DAB1: variants seen among roughly 807,000 people sequenced by gnomAD.
DAB1 encodes the protein disabled homolog 1.
A neutral mutation model predicts 64.6 loss-of-function variants in DAB1; 15 were observed. That is an observed-to-expected ratio of 0.23 (90% CI 0.16 to 0.36). DAB1 has a LOEUF of 0.36. Among genes scored for constraint, DAB1 ranks in the 10% least tolerant of loss-of-function variants. DAB1 has a pLI of 1.00. For synonymous variants in DAB1, 235 were observed against 251.9 expected, an observed-to-expected ratio of 0.93 and a Z score of 0.64; for missense variants, 596 against 706.7, an observed-to-expected ratio of 0.84 and a Z score of 1.78.
intron 7 of DAB1, among the ~76,000 whole-genome samples, chr1:57,579,858 C>T (rs1382793197): frequency 2.0e-5 from 3 of 152,120 alleles, no homozygotes; most frequent in African/African-American, 7.2e-5. Context: ...AAAAGAGAGA[C>T]ATCAGGAAAG....
At chr1:58,166,749 CGT>C (rs796624346) in intron 4 of DAB1, among the ~76,000 whole-genome samples, 1 of 137,300 alleles carries the variant, frequency 7.3e-6, no homozygotes, top group African/African-American at 2.8e-5. Flanking sequence ...TTTGTTTGTT[CGT>C]TTTTTTTTTT....
intron 7 of DAB1, among the ~76,000 whole-genome samples, chr1:57,452,785 T>C (rs1351836056): frequency 6.6e-6 from 1 of 152,098 alleles, no homozygotes; most frequent in Non-Finnish European, 1.5e-5. Context: ...TTATCTGCCT[T>C]GTTCTAAACA....
intron 7 of DAB1, among the ~76,000 whole-genome samples, chr1:57,616,140 C>T (rs759283934): frequency 1.3e-5 from 2 of 152,124 alleles, no homozygotes; most frequent in Non-Finnish European, 2.9e-5. Flanking sequence ...TTCCTGGACA[C>T]CCCGACATTT....
rs1379432086 is a variant in DAB1 at position 57,255,944 on chromosome 1, A to G, written c.67+35020T>C. Among the ~76,000 whole-genome samples the G allele has an allele frequency of 2.0e-5, 3 of 152,340 alleles. No individual in the cohort carries two copies. In the East Asian group the frequency reaches 5.8e-4, roughly 29 times the overall value. ...GTGCAATTTTGATATACTTGCCTTA[A>G]TGTGCCATTTATTAAATGTATATCT... is the stretch of plus-strand genomic sequence containing the variant. On this transcript the variant is annotated intron_variant, in intron 2 of 14. Transcript: ENST00000371236.
At chr1:57,971,235 C>A (rs1415300462) in intron 5 of DAB1, among the ~76,000 whole-genome samples, 1 of 152,164 alleles carries the variant, frequency 6.6e-6, no homozygotes, top group Non-Finnish European at 1.5e-5. Context: ...TTGACTTGGA[C>A]AAAATTTGTC....
At chr1:57,982,793 C>T in intron 5 of DAB1, among the ~76,000 whole-genome samples, 1 of 152,200 alleles carries the variant, frequency 6.6e-6, no homozygotes, top group East Asian at 1.9e-4. Flanking sequence ...GCCCCTCATC[C>T]TTTCATAGAG....
chr1:57,774,370 AC>A, intron 6 of DAB1, among the ~76,000 whole-genome samples: 1 of 151,972 alleles, frequency 6.6e-6, no homozygotes, highest in South Asian at 2.1e-4. Flanking sequence ...AAAATTTTCT[AC>A]ATCTGTGAAC....
At chr1:57,458,006 C>A (rs1175544067) in intron 7 of DAB1, among the ~76,000 whole-genome samples, 1 of 152,138 alleles carries the variant, frequency 6.6e-6, no homozygotes, top group Non-Finnish European at 1.5e-5. Context: ...TCAATAACAA[C>A]AGACTCACAT....
intron 1 of DAB1, among the ~76,000 whole-genome samples, chr1:58,533,613 A>G (rs1363186691): frequency 6.6e-6 from 1 of 152,214 alleles, no homozygotes; most frequent in African/African-American, 2.4e-5. Flanking sequence ...CTTCCCTACA[A>G]TTAATTTTCT....
chr1:57,813,403 A>G (rs1191340343), intron 6 of DAB1, among the ~76,000 whole-genome samples: 1 of 152,218 alleles, frequency 6.6e-6, no homozygotes, highest in Non-Finnish European at 1.5e-5. Context: ...TCAAACATCG[A>G]GATCCTTTTG....
intron 3 of DAB1, among the ~76,000 whole-genome samples, chr1:58,379,200 C>T (rs1308788934): frequency 5.9e-5 from 9 of 152,166 alleles, no homozygotes; most frequent in Non-Finnish European, 1.3e-4. Context: ...ATCTTGGCTC[C>T]TCCCCCCCAG....
chr1:57,417,161 C>T (rs973491190), intron 1 of DAB1, among the ~76,000 whole-genome samples: 2 of 152,120 alleles, frequency 1.3e-5, no homozygotes, highest in African/African-American at 2.4e-5. Context: ...GAGGTTTCAA[C>T]TGTATTTAAC....
intron 2 of DAB1, among the ~76,000 whole-genome samples, chr1:57,273,905 G>A (rs938693814): frequency 2.6e-5 from 4 of 151,894 alleles, no homozygotes; most frequent in Admixed American, 6.6e-5. Context: ...CAGGGCCAGC[G>A]GTGAGTCCAC....
At position 57,178,798 on chromosome 1, in the gene DAB1, GA is replaced by G. The variant is rs542627596; in HGVS notation, c.68-33370del. Among the ~76,000 whole-genome samples, 17 of 151,680 alleles carry G rather than the reference GA, an allele frequency of 1.1e-4. No homozygotes were observed. The South Asian group carries it at 1.2e-3, about 11-fold the overall frequency. ...CTTCTATCTGTATTATAAAATAAAT[GA>G]AAAAAATATACAATCACATATATAA... On this transcript the variant is annotated intron_variant, in intron 2 of 14. Transcript: ENST00000371236.
At chr1:57,152,000 G>A (rs922082792) in intron 2 of DAB1, among the ~76,000 whole-genome samples, 1 of 151,956 alleles carries the variant, frequency 6.6e-6, no homozygotes, top group Admixed American at 6.6e-5. Context: ...TTTTGGTAGA[G>A]ATGAGGTTTC....
intron 3 of DAB1, among the ~76,000 whole-genome samples, chr1:58,490,792 ATTCTTTTTTTT>A (rs1645668666): frequency 2.1e-5 from 2 of 97,250 alleles, no homozygotes; most frequent in African/African-American, 7.3e-5. Context: ...AATAGTCAAC[ATTCTTTTTTTT>A]TTTTTTTTTT....
intron 3 of DAB1, among the ~76,000 whole-genome samples, chr1:58,437,647 T>C (rs1218945232): frequency 3.3e-5 from 5 of 152,248 alleles, no homozygotes; most frequent in Non-Finnish European, 7.3e-5. Context: ...AGATTTTACT[T>C]TCATATCCTC....
chr1:58,053,336 G>A (rs1255333949), intron 5 of DAB1, among the ~76,000 whole-genome samples: 1 of 152,172 alleles, frequency 6.6e-6, no homozygotes, highest in South Asian at 2.1e-4. Flanking sequence ...GCATCTGGTG[G>A]TCTCAGGCTG....
rs564731072 is a variant in DAB1, at chr1:58,155,241, C to T, written n.310-4653G>A. Among the ~76,000 whole-genome samples the T allele has an allele frequency of 2.6e-5, 4 of 152,310 alleles. No homozygotes were observed. In the East Asian group the frequency reaches 7.7e-4, roughly 29 times the overall value. ...CAGCTGCCAAAGTGAAGAAGTATGTCTATACCTAGACTCTAGGTCAGTGGT... is the reference window on the plus strand; with the variant it reads ...CAGCTGCCAAAGTGAAGAAGTATGTTTATACCTAGACTCTAGGTCAGTGGT... On this transcript the variant is annotated intron_variant and non_coding_transcript_variant, in intron 4 of 20. Transcript: ENST00000485760.
Sources: gnomAD v4.1 joint callset for allele counts (sites outside exome capture counted in the v4.1 genomes callset) on GRCh38, gnomAD v4.1.1 for gene constraint, MANE v1.5 for transcripts, NCBI Gene and HGNC (gene_info 2026-07-23, HGNC 2026-07-21) for gene names.